Variants in ALMS1 observed in about 807,000 individuals in gnomAD.
The protein encoded by ALMS1 is ALMS1 centrosome and basal body associated protein.
ALMS1 carries 271 observed loss-of-function variants against 352.2 expected under a neutral mutation model. The ratio of observed to expected loss-of-function variants is 0.77; its 90% confidence interval spans 0.70 to 0.85. The LOEUF (loss-of-function observed/expected upper bound fraction) is 0.85, where lower values mean the gene tolerates loss of function less well. Ranked by LOEUF, ALMS1 falls within the 40% of genes least tolerant of loss-of-function variation. The probability of loss-of-function intolerance (pLI) is 0.00; values close to 1 mark genes in which losing one functional copy is unlikely to be tolerated. For missense variants in ALMS1, 5,445 were observed against 4,870.7 expected (o/e 1.12, Z -3.51); for synonymous variants, 1,865 against 1,761.2 (o/e 1.06, Z -1.48).
chr2:73,488,476 A>G (rs1045428552), intron 9 of ALMS1, among the ~76,000 whole-genome samples: 17 of 152,166 alleles, frequency 1.1e-4, no homozygotes, highest in African/African-American at 4.1e-4. Flanking sequence ...GATCCCCGAA[A>G]GTGCAGTGGT....
chr2:73,428,284 T>A (rs1201230664), intron 6 of ALMS1, among the ~76,000 whole-genome samples: 1 of 152,174 alleles, frequency 6.6e-6, no homozygotes, highest in Non-Finnish European at 1.5e-5. Context: ...ATTTAGGAAC[T>A]TGCTCATAAT....
At chr2:73,475,741 T>C (rs1003071927) in intron 9 of ALMS1, among the ~76,000 whole-genome samples, 1 of 152,106 alleles carries the variant, frequency 6.6e-6, no homozygotes, top group South Asian at 2.1e-4. Context: ...TATCAGACTT[T>C]TATTCTTTGC....
Position 73,424,703 on chromosome 2 carries a change from G to A in ALMS1, c.1038G>A (p.Met346Ile). Residue 346 changes from methionine to isoleucine, a missense_variant, in exon 5 of 23, where the codon ATG becomes ATA. Met to Ile is a conservative substitution (Grantham distance 10). Coordinates refer to ENST00000613296, the MANE Select transcript of ALMS1 (RefSeq NM_001378454.1). The stretch of plus-strand genomic sequence containing the variant: ...GTTATGATGATCTTTGTTCATATAT[G>A]TCATGGAAGACACGAAAAGATACAC... ...CDRYDDLCSYMSWKTRKDTQW... is the reference protein window; with the variant it reads ...CDRYDDLCSYISWKTRKDTQW... The A allele has an allele frequency of 6.2e-7, 1 of 1,614,082 alleles. No homozygotes were observed. Among genetic ancestry groups the A allele is most frequent in the South Asian group, 1.1e-5 (1 of 91,078 alleles).
At position 73,450,410 on chromosome 2, in the gene ALMS1, A is replaced by G; in HGVS notation, c.3883A>G (p.Ile1295Val). ...SYSQYREKPS[I>V]FYQQSLPSSH... ...CTCACAATATAGAGAGAAGCCCAGC[A>G]TTTTCTACCAACAGTCGTTGCCAAG... Residue 1295 changes from isoleucine (I) to valine (V), a missense_variant, in exon 8 of 23, where the codon ATT becomes GTT. Physicochemically the swap from Ile to Val is conservative, Grantham distance 29. Coordinates refer to ENST00000613296, the MANE Select transcript of ALMS1 (RefSeq NM_001378454.1). The G allele has an allele frequency of 1.9e-6, 3 of 1,613,578 alleles. No homozygotes were observed. Among genetic ancestry groups the G allele is most frequent in the Non-Finnish European group, 2.5e-6 (3 of 1,179,912 alleles).
At chr2:73,602,415 A>G in intron 20 of ALMS1, 47 bp downstream of exon 20, 1 of 1,608,930 alleles carries the variant, frequency 6.2e-7, no homozygotes, top group Non-Finnish European at 8.5e-7. Context: ...AGAGAAGGCA[A>G]GGTCTGCTGC....
chr2:73,537,079 G>A (rs1478244681), intron 12 of ALMS1, among the ~76,000 whole-genome samples: 1 of 152,126 alleles, frequency 6.6e-6, no homozygotes, highest in Non-Finnish European at 1.5e-5. Flanking sequence ...CACACAAAAG[G>A]CTTATCTTTA....
intron 16 of ALMS1, among the ~76,000 whole-genome samples, chr2:73,597,922 C>G (rs1031374049): frequency 6.6e-6 from 1 of 152,124 alleles, no homozygotes; most frequent in Non-Finnish European, 1.5e-5. Context: ...GAGGCCCTCT[C>G]TCTGATGAGT....
intron 10 of ALMS1, among the ~76,000 whole-genome samples, chr2:73,505,573 T>C (rs902561587): frequency 6.6e-6 from 1 of 152,220 alleles, no homozygotes; most frequent in Non-Finnish European, 1.5e-5. Flanking sequence ...GGTTGTTTGT[T>C]TTTTTCTTGT....
intron 16 of ALMS1, among the ~76,000 whole-genome samples, chr2:73,583,359 G>T (rs1309351439): frequency 1.3e-5 from 2 of 151,752 alleles, no homozygotes; most frequent in South Asian, 4.2e-4. Context: ...TTTGATTTTT[G>T]TTGTTGTTGT....
chr2:73,480,928 T>A (rs1192035882), intron 9 of ALMS1, among the ~76,000 whole-genome samples: 1 of 148,808 alleles, frequency 6.7e-6, no homozygotes, highest in African/African-American at 2.5e-5. Context: ...GGGTTGTTTG[T>A]TTTTTTCTTG....
chr2:73,484,716 C>T (rs1258683442), intron 9 of ALMS1, among the ~76,000 whole-genome samples: 2 of 152,004 alleles, frequency 1.3e-5, no homozygotes, highest in Admixed American at 6.5e-5. Context: ...GTACACCAAT[C>T]AGACGTAGAT....
At chr2:73,526,259 TG>T (rs1673789405) in intron 11 of ALMS1, among the ~76,000 whole-genome samples, 1 of 152,204 alleles carries the variant, frequency 6.6e-6, no homozygotes, top group South Asian at 2.1e-4. Context: ...TTGTCTATTC[TG>T]GGTCTTTTGT....
At chr2:73,589,031 A>G (rs560390897) in intron 16 of ALMS1, among the ~76,000 whole-genome samples, 60 of 152,162 alleles carry the variant, frequency 3.9e-4, no homozygotes, top group Non-Finnish European at 7.1e-4. Flanking sequence ...ATACGTATAC[A>G]TATCAGTATC....
chr2:73,471,057 TG>T (rs1217689223), intron 9 of ALMS1: 2 of 151,880 alleles, frequency 1.3e-5, no homozygotes, highest in South Asian at 2.1e-4. Flanking sequence ...AGCCACTATA[TG>T]TTTTTTGATT....
intron 15 of ALMS1, among the ~76,000 whole-genome samples, chr2:73,567,462 A>C (rs6734298): frequency 0.034 from 5,163 of 152,296 alleles, 224 homozygotes; most frequent in Admixed American, 0.093. Context: ...GCTAGGGTTA[A>C]GGCAAAATAT....
At chr2:73,495,758 T>C (rs1673091737) in intron 10 of ALMS1, among the ~76,000 whole-genome samples, 1 of 152,358 alleles carries the variant, frequency 6.6e-6, no homozygotes, top group South Asian at 2.1e-4. Context: ...TTGATACCTC[T>C]GACTCTAGTA....
At chr2:73,598,347 T>G (rs1675596173) in intron 16 of ALMS1, among the ~76,000 whole-genome samples, 2 of 151,986 alleles carry the variant, frequency 1.3e-5, no homozygotes, top group African/African-American at 4.8e-5. Context: ...TCTGCTCATC[T>G]TTTTTTTCAC....
chr2:73,417,724 A>G (rs1186150672), intron 2 of ALMS1, among the ~76,000 whole-genome samples: 3 of 152,220 alleles, frequency 2.0e-5, no homozygotes, highest in South Asian at 4.1e-4. Flanking sequence ...AAATGATGCT[A>G]TAACATAGTT....
At chr2:73,485,808 C>T (rs1232212263) in intron 9 of ALMS1, among the ~76,000 whole-genome samples, 1 of 152,166 alleles carries the variant, frequency 6.6e-6, no homozygotes, top group African/African-American at 2.4e-5. Context: ...TGGAAAAGCG[C>T]AGTATTCGGG....
Sources: allele counts gnomAD v4.1 joint callset (sites outside exome capture counted in the v4.1 genomes callset), GRCh38; gene constraint gnomAD v4.1.1; transcripts MANE v1.5; gene names NCBI Gene and HGNC (gene_info 2026-07-23, HGNC 2026-07-21).